The following WDFY3 variants were observed in gnomAD, a reference collection of about 807,000 sequenced individuals.
The protein encoded by WDFY3 is WD repeat and FYVE domain-containing protein 3.
In WDFY3, 66 loss-of-function variants were observed where a neutral mutation model predicts 409.6. That is an observed-to-expected ratio of 0.16 (90% CI 0.13 to 0.20). The LOEUF (loss-of-function observed/expected upper bound fraction) is 0.20. Ranked by LOEUF, WDFY3 falls within the 10% of genes least tolerant of loss-of-function variation. The pLI, the probability that WDFY3 is intolerant of heterozygous loss-of-function variation, is 1.00. For synonymous variants in WDFY3, 1,521 were observed against 1,537.1 expected, an observed-to-expected ratio of 0.99 and a Z score of 0.25; for missense variants, 3,031 against 4,298.1, an observed-to-expected ratio of 0.71 and a Z score of 8.24.
chr4:84,956,643 G>A (rs1380652994), intron 1 of WDFY3, among the ~76,000 whole-genome samples: 2 of 151,900 alleles, frequency 1.3e-5, no homozygotes, highest in African/African-American at 4.8e-5. Context: ...AAATCCACTG[G>A]GGCTTCACAT....
intron 2 of WDFY3, among the ~76,000 whole-genome samples, chr4:84,931,379 A>G (rs1770745383): frequency 2.0e-5 from 3 of 152,210 alleles, no homozygotes; most frequent in Admixed American, 1.3e-4. Flanking sequence ...ATCAGTATTG[A>G]GTGCTTAGTT....
intron 27 of WDFY3, among the ~76,000 whole-genome samples, chr4:84,776,193 C>A (rs555622503): frequency 6.6e-6 from 1 of 151,894 alleles, no homozygotes; most frequent in South Asian, 2.1e-4. Context: ...TCTCTTATTG[C>A]AAAGTATTTA....
chr4:84,722,792 C>G (rs1735053992), intron 46 of WDFY3, among the ~76,000 whole-genome samples: 1 of 152,188 alleles, frequency 6.6e-6, no homozygotes, highest in Admixed American at 6.5e-5. Context: ...TGGAAAAGCA[C>G]AAGTCAGCCT....
chr4:84,705,907 G>A (rs543880852), intron 53 of WDFY3, among the ~76,000 whole-genome samples: 14 of 152,256 alleles, frequency 9.2e-5, no homozygotes, highest in African/African-American at 3.4e-4. Context: ...TGGAGGATCA[G>A]ATCTCCCTTG....
chr4:84,715,515 C>T (rs1733713401), intron 49 of WDFY3, 132 bp from the exon 50 acceptor site: 2 of 514,056 alleles, frequency 3.9e-6, no homozygotes, highest in South Asian at 4.8e-5. Context: ...TGGCTCATGC[C>T]TGTAATCCCA....
At chr4:84,962,520 GA>G (rs1180752966) in intron 1 of WDFY3, among the ~76,000 whole-genome samples, 1 of 152,142 alleles carries the variant, frequency 6.6e-6, no homozygotes, top group Non-Finnish European at 1.5e-5. Context: ...GACAGGGCAT[GA>G]GTGAACTTTT....
At chr4:84,690,703 A>T (rs1729115173) in intron 60 of WDFY3, 39 bp from the exon 61 acceptor site, 1 of 1,560,198 alleles carries the variant, frequency 6.4e-7, no homozygotes. Flanking sequence ...CATGCCGTTA[A>T]GTACTATACA....
intron 6 of WDFY3, among the ~76,000 whole-genome samples, chr4:84,839,213 A>C (rs1278453555): frequency 2.6e-5 from 4 of 152,122 alleles, no homozygotes; most frequent in Admixed American, 1.3e-4. Flanking sequence ...CTGTATTAAA[A>C]GTTAATATTA....
chr4:84,693,189 C>T (rs1305497495), intron 58 of WDFY3, among the ~76,000 whole-genome samples, 157 bp from the exon 59 acceptor site: 2 of 152,190 alleles, frequency 1.3e-5, no homozygotes, highest in South Asian at 2.1e-4. Flanking sequence ...GATTCAAAGA[C>T]GCTATGAAGG....
intron 15 of WDFY3, among the ~76,000 whole-genome samples, chr4:84,804,326 A>T (rs1371337778): frequency 3.3e-5 from 5 of 152,162 alleles, no homozygotes; most frequent in Non-Finnish European, 7.4e-5. Context: ...CCTAATGCTG[A>T]GCTCTGTCAC....
At chr4:84,957,129 T>A (rs1221949408) in intron 1 of WDFY3, among the ~76,000 whole-genome samples, 1 of 151,902 alleles carries the variant, frequency 6.6e-6, no homozygotes, top group Non-Finnish European at 1.5e-5. Context: ...GTCATAAGCA[T>A]TAAAACAGCA....
intron 13 of WDFY3, among the ~76,000 whole-genome samples, chr4:84,816,173 A>T (rs1466922247): frequency 6.6e-6 from 1 of 152,144 alleles, no homozygotes; most frequent in Non-Finnish European, 1.5e-5. Context: ...AATTGTATTT[A>T]GAAACCTTGC....
chr4:84,905,319 G>C (rs1579068118), intron 2 of WDFY3, among the ~76,000 whole-genome samples: 1 of 152,214 alleles, frequency 6.6e-6, no homozygotes, highest in South Asian at 2.1e-4. Flanking sequence ...CTGGGCGACA[G>C]AGTGAGACTC....
At position 84,670,402 on chromosome 4, in the gene WDFY3, A is replaced by G. The variant is rs1365852147; in HGVS notation, c.*2466T>C. 1 of 152,682 alleles carries G rather than the reference A, an allele frequency of 6.5e-6. No homozygotes were observed. The highest frequency in any genetic ancestry group is 1.9e-4 in the East Asian group (1 of 5,196). The allele number at this position is 152,682 out of a possible 1,614,324, so 9.5% of individuals were successfully genotyped here. A position where few individuals can be genotyped will look rare whatever the true frequency, so the allele number is the denominator to read the frequency against. On this transcript the variant is annotated 3_prime_UTR_variant, in exon 68 of 68. Transcript: ENST00000295888. ...AGTTTATGTATGTGAGTGTACTTGT[A>G]TGTGTGAGTGATTCTGTTGATTTCT...
At chr4:84,950,904 T>C (rs879415684) in intron 1 of WDFY3, among the ~76,000 whole-genome samples, 1 of 152,216 alleles carries the variant, frequency 6.6e-6, no homozygotes, top group African/African-American at 2.4e-5. Flanking sequence ...CAGCTTATAC[T>C]GCAATACAAT....
intron 13 of WDFY3, among the ~76,000 whole-genome samples, chr4:84,816,860 A>C (rs1304517305): frequency 6.6e-6 from 1 of 152,108 alleles, no homozygotes; most frequent in Non-Finnish European, 1.5e-5. Flanking sequence ...AACAAAATCC[A>C]TGTTATATGA....
chr4:84,679,709 C>A (rs998035173), intron 64 of WDFY3, among the ~76,000 whole-genome samples: 1 of 151,994 alleles, frequency 6.6e-6, no homozygotes, highest in Non-Finnish European at 1.5e-5. Context: ...CTCTGAATCA[C>A]CCAATTCCTT....
intron 58 of WDFY3, among the ~76,000 whole-genome samples, chr4:84,695,600 A>G (rs1022117560): frequency 1.3e-5 from 2 of 151,750 alleles, no homozygotes; most frequent in Non-Finnish European, 2.9e-5. Flanking sequence ...ATGAACTTCT[A>G]AAGTTTAAAT....
At chr4:84,700,040 A>G (rs559748041) in intron 56 of WDFY3, among the ~76,000 whole-genome samples, 2 of 151,822 alleles carry the variant, frequency 1.3e-5, no homozygotes, top group Non-Finnish European at 2.9e-5. Flanking sequence ...TCTTGGATGC[A>G]GAAACTTCTA....
Sources: allele counts gnomAD v4.1 joint callset (sites outside exome capture counted in the v4.1 genomes callset), GRCh38; gene constraint gnomAD v4.1.1; transcripts MANE v1.5; gene names NCBI Gene and HGNC (gene_info 2026-07-23, HGNC 2026-07-21).